The following ZNF831 variants were observed in gnomAD, a reference collection of about 807,000 sequenced individuals.
ZNF831 encodes zinc finger protein 831.
ZNF831 carries 59 observed loss-of-function variants against 95.8 expected under a neutral mutation model. The observed-to-expected ratio is 0.62, with a 90% CI of 0.50 to 0.77. ZNF831 has a LOEUF of 0.77. Ranked by LOEUF, ZNF831 falls within the 30% of genes least tolerant of loss-of-function variation. ZNF831 has a pLI of 0.00. For missense variants in ZNF831, 2,205 were observed against 2,164.0 expected, an observed-to-expected ratio of 1.02 and a Z score of -0.38; for synonymous variants, 961 against 925.5, an observed-to-expected ratio of 1.04 and a Z score of -0.70.
At chr20:59,198,148 G>A (rs935059412) in intron 3 of ZNF831, among the ~76,000 whole-genome samples, 7 of 152,122 alleles carry the variant, frequency 4.6e-5, no homozygotes, top group Admixed American at 6.5e-5. Context: ...CCAGGGTGAG[G>A]GTCCCAGACT....
chr20:59,176,406 T>C (rs1057438889), intron 1 of ZNF831, among the ~76,000 whole-genome samples: 1 of 152,200 alleles, frequency 6.6e-6, no homozygotes, highest in East Asian at 1.9e-4. Flanking sequence ...CTGTATTTAC[T>C]TGTCAAAATT....
At chr20:59,125,265 C>T (rs1458772149) in intron 1 of ZNF831, among the ~76,000 whole-genome samples, 2 of 152,262 alleles carry the variant, frequency 1.3e-5, no homozygotes, top group South Asian at 2.1e-4. Context: ...TCCCTGGCCT[C>T]ACCCTGCTGT....
rs1288728131 is a variant in ZNF831, at chr20:59,191,194, C to T, written c.175C>T (p.Pro59Ser). The stretch of plus-strand genomic sequence containing the variant: ...CCCCACTGTGTTCCTGAAGGCCCTG[C>T]CCATCCCACTGTACCACACGGTGCC... ...APPTVFLKAL[P>S]IPLYHTVPPG... Residue 59 changes from proline (P) to serine (S), a missense_variant, in exon 2 of 6, where the codon CCC (proline) becomes TCC (serine). By Grantham distance (74) the Pro-to-Ser change is moderately conservative. Transcript: ENST00000371030. The T allele has an allele frequency of 1.3e-6, 2 of 1,592,710 alleles. No homozygotes were observed. The highest frequency in any genetic ancestry group is 3.5e-5 in the Admixed American group (2 of 57,172).
At chr20:59,135,730 C>CA (rs201574489) in intron 1 of ZNF831, among the ~76,000 whole-genome samples, 1,596 of 150,508 alleles carry the variant, frequency 0.011, 34 homozygotes, top group African/African-American at 0.037. Flanking sequence ...GACTCCATCT[C>CA]AAAAAAAAAT....
chr20:59,140,574 TC>T (rs1979647542), intron 1 of ZNF831, among the ~76,000 whole-genome samples: 1 of 152,086 alleles, frequency 6.6e-6, no homozygotes, highest in Admixed American at 6.6e-5. Flanking sequence ...TACAGAGAGG[TC>T]CCAGGGACCT....
chr20:59,185,497 C>T (rs940536014), intron 1 of ZNF831, among the ~76,000 whole-genome samples: 11 of 152,246 alleles, frequency 7.2e-5, no homozygotes, highest in South Asian at 2.1e-4. Context: ...TTGGGGGGCA[C>T]ATGATACTCA....
rs564979449 is a variant in ZNF831, at chr20:59,190,921, C to G, written c.-36-63C>G. On this transcript the variant is annotated intron_variant, in intron 1 of 5. Coordinates refer to ENST00000371030, the MANE Select transcript of ZNF831 (RefSeq NM_178457.3). The stretch of plus-strand genomic sequence containing the variant: ...GATGAAGTGCTTGGTGCAGGGTAGG[C>G]AAGATTTACTGCATGAGGAGAGAGG... The G allele has an allele frequency of 2.8e-5, 39 of 1,402,314 alleles. 1 individual carries two copies. In the African/African-American group the frequency reaches 4.8e-4, roughly 17 times the overall value. 86.9% of individuals were successfully genotyped at this position (1,402,314 alleles called of 1,614,324 possible).
intron 1 of ZNF831, chr20:59,123,563 C>G (rs934338016): frequency 2.0e-5 from 3 of 152,960 alleles, no homozygotes; most frequent in Non-Finnish European, 4.4e-5. Context: ...GAGGAGCCAG[C>G]AGACAGCAGC....
intron 2 of ZNF831, among the ~76,000 whole-genome samples, chr20:59,153,827 G>C (rs766502948): frequency 6.6e-5 from 10 of 152,212 alleles, no homozygotes; most frequent in Non-Finnish European, 1.3e-4. Flanking sequence ...TGCTTACCAA[G>C]TACCTAATTG....
intron 2 of ZNF831, among the ~76,000 whole-genome samples, chr20:59,149,413 C>A (rs899245144): frequency 2.0e-5 from 3 of 152,136 alleles, no homozygotes; most frequent in African/African-American, 7.2e-5. Context: ...CTGTAATGGC[C>A]CCATGTGGTT....
At position 59,186,089 on chromosome 20, in the gene ZNF831, C is replaced by T. The variant is rs917861910; in HGVS notation, c.-36-4895C>T. ...ACAGGCAGTCCCGATGCAGGCAGCT[C>T]ACTTGCCCCTGGGGTGCATGTTCTA... On this transcript the variant is annotated intron_variant, in intron 1 of 5. Transcript: ENST00000371030. 2.0e-5 allele frequency among the ~76,000 whole-genome samples: 3 copies of T among 152,204 alleles called. No homozygotes were observed. The South Asian group carries it at 6.2e-4, about 32-fold the overall frequency.
At chr20:59,172,687 A>G (rs1051384988) in intron 1 of ZNF831, among the ~76,000 whole-genome samples, 2 of 152,144 alleles carry the variant, frequency 1.3e-5, no homozygotes, top group African/African-American at 4.8e-5. Context: ...ATTTCAGTCA[A>G]CCAACCTAGG....
chr20:59,152,199 T>C, intron 2 of ZNF831, among the ~76,000 whole-genome samples: 1 of 152,162 alleles, frequency 6.6e-6, no homozygotes, highest in East Asian at 1.9e-4. Context: ...AGTACAGCGC[T>C]CACTTTTGAA....
chr20:59,245,156 A>G (rs1205444185), intron 4 of ZNF831, among the ~76,000 whole-genome samples: 3 of 152,228 alleles, frequency 2.0e-5, no homozygotes, highest in Non-Finnish European at 2.9e-5. Context: ...TTCTTAAATA[A>G]CAAGAGGTCA....
intron 4 of ZNF831, among the ~76,000 whole-genome samples, chr20:59,241,877 A>T (rs1467140875): frequency 1.3e-5 from 2 of 152,362 alleles, no homozygotes; most frequent in East Asian, 3.9e-4. Flanking sequence ...CTGAAAGAGA[A>T]GAAAGAAAAG....
At position 59,193,008 on chromosome 20, in the gene ZNF831, G is replaced by A; in HGVS notation, c.1989G>A (p.Glu663=). The A allele has an allele frequency of 6.3e-7, 1 of 1,575,106 alleles. No individual in the cohort carries two copies. Among genetic ancestry groups the A allele is most frequent in the Non-Finnish European group, 8.6e-7 (1 of 1,162,222 alleles). ...GAELGFPLQK[E]AAGSSGTVPT... ...AACTGGGCTTTCCTCTGCAGAAAGA[G>A]GCAGCAGGGAGCTCAGGCACAGTCC... The change falls in exon 2 of 6, where the codon GAG becomes GAA. Residue 663 remains glutamate, a synonymous_variant. Transcript: ENST00000371030.
rs111391855 is a variant in ZNF831 at position 59,135,737 on chromosome 20, A to T, written c.-1424-10494A>T. ...CAGAGCGAGACTCCATCTCAAAAAA[A>T]AATAATAATAATAATCCAGGCATGA... On this transcript the variant is annotated intron_variant, in intron 1 of 7. Transcript: ENST00000637017. Among the ~76,000 whole-genome samples the T allele has an allele frequency of 1.1e-4, 16 of 152,232 alleles. 1 individual carries two copies. Among genetic ancestry groups the T allele is most frequent in the Admixed American group, 2.0e-4 (3 of 15,288 alleles).
chr20:59,157,763 G>T (rs1307282754), intron 2 of ZNF831, among the ~76,000 whole-genome samples: 1 of 152,132 alleles, frequency 6.6e-6, no homozygotes, highest in African/African-American at 2.4e-5. Context: ...ACATCCAACA[G>T]ACACTGATTA....
chr20:59,207,811 T>C (rs1985006998), intron 4 of ZNF831, among the ~76,000 whole-genome samples: 1 of 152,342 alleles, frequency 6.6e-6, no homozygotes, highest in East Asian at 1.9e-4. Flanking sequence ...TGAATTACCA[T>C]CCTTCTGTGG....
Sources: allele counts gnomAD v4.1 joint callset (sites outside exome capture counted in the v4.1 genomes callset), GRCh38; gene constraint gnomAD v4.1.1; transcripts MANE v1.5; gene names NCBI Gene and HGNC (gene_info 2026-07-23, HGNC 2026-07-21).